Variants in TMEM200A observed in about 807,000 individuals in gnomAD.
The protein encoded by TMEM200A is transmembrane protein 200A, also known as two transmembrane C.
A neutral mutation model predicts 24.3 loss-of-function variants in TMEM200A; 12 were observed. The ratio of observed to expected loss-of-function variants is 0.49; its 90% CI spans 0.32 to 0.80. The LOEUF (loss-of-function observed/expected upper bound fraction) is 0.80, where lower values mean the gene tolerates loss of function less well. Ranked by LOEUF, TMEM200A falls within the 30% of genes least tolerant of loss-of-function variation. The pLI is 0.04. For synonymous variants in TMEM200A, 224 were observed against 224.4 expected (o/e 1.00, Z 0.02); for missense variants, 545 against 614.4 (o/e 0.89, Z 1.19).
At chr6:130,439,379 A>T (rs1287533913) in intron 2 of TMEM200A, 2 of 152,200 alleles carry the variant, frequency 1.3e-5, no homozygotes, top group Non-Finnish European at 2.9e-5. Flanking sequence ...AGGAAGAAGA[A>T]AGGGAGGAGT....
chr6:130,376,289 G>T (rs1023795454), intron 1 of TMEM200A, among the ~76,000 whole-genome samples: 1 of 151,918 alleles, frequency 6.6e-6, no homozygotes, highest in African/African-American at 2.4e-5. Flanking sequence ...ATTATTTTTT[G>T]AGAGAGGGTC....
At chr6:130,382,891 A>G in intron 1 of TMEM200A, 1 of 292,504 alleles carries the variant, frequency 3.4e-6, no homozygotes, top group Non-Finnish European at 5.1e-6. Context: ...AGTGGCATGA[A>G]GCAGGAACAT....
At chr6:130,404,066 G>A (rs1267736438) in intron 2 of TMEM200A, among the ~76,000 whole-genome samples, 2 of 152,048 alleles carry the variant, frequency 1.3e-5, no homozygotes, top group African/African-American at 2.4e-5. Context: ...TCTTTATTCA[G>A]TCTATCATTG....
At chr6:130,382,881 A>T in intron 1 of TMEM200A, 1 of 228,620 alleles carries the variant, frequency 4.4e-6, no homozygotes. Flanking sequence ...GGGGCGAGCT[A>T]GTGGCATGAA....
intron 2 of TMEM200A, among the ~76,000 whole-genome samples, chr6:130,422,326 T>A (rs996185233): frequency 6.6e-6 from 1 of 152,138 alleles, no homozygotes; most frequent in Non-Finnish European, 1.5e-5. Context: ...TGGAAGGTAG[T>A]GGTGCGATAT....
chr6:130,427,028 T>C (rs1378418406), intron 2 of TMEM200A, among the ~76,000 whole-genome samples: 2 of 152,220 alleles, frequency 1.3e-5, no homozygotes, highest in African/African-American at 4.8e-5. Context: ...AGCTATTTTC[T>C]AGTTGCTCCA....
chr6:130,365,578 T>A (rs944827679), upstream of TMEM200A: 25 of 985,030 alleles, frequency 2.5e-5, no homozygotes, highest in African/African-American at 4.4e-4. Flanking sequence ...CGGCTGGAGC[T>A]CCCCAGCCGC....
rs1778174389 is a variant in TMEM200A, at chr6:130,366,888, G to A, written c.-81+364G>A. 6.6e-6 allele frequency among the ~76,000 whole-genome samples: 1 copy of A among 151,750 alleles called. No individual in the cohort carries two copies. Among genetic ancestry groups the A allele is most frequent in the Non-Finnish European group, 1.5e-5 (1 of 67,926 alleles). On this transcript the variant is annotated intron_variant, in intron 1 of 2. Coordinates refer to ENST00000296978, the MANE Select transcript of TMEM200A (RefSeq NM_001258277.2). The surrounding 1 kb of genome is among the most constrained non-coding windows in gnomAD (Gnocchi z 4.4). ...TTGAGCAAAGTATGGTCAGGGTTTC[G>A]TAAAGCAGTATCTGGATGGGGTAGA...
chr6:130,371,224 A>G (rs1247842609), intron 1 of TMEM200A, among the ~76,000 whole-genome samples: 1 of 152,192 alleles, frequency 6.6e-6, no homozygotes, highest in Non-Finnish European at 1.5e-5. Flanking sequence ...TAGATTGTGT[A>G]GACAGGAGGC....
In TMEM200A at chr6:130,366,580, C is replaced by A. The variant is rs1778154231; in HGVS notation, c.-81+56C>A. ...TGGGGAGGTGGGTGGGCGGCCACCGCAGCCGAAACCGGGCACTTCTTCAGC... is the reference window on the plus strand; with the variant it reads ...TGGGGAGGTGGGTGGGCGGCCACCGAAGCCGAAACCGGGCACTTCTTCAGC... On this transcript the variant is annotated intron_variant, in intron 1 of 2. Transcript: ENST00000296978. The surrounding 1 kb of genome is among the most constrained non-coding windows in gnomAD (Gnocchi z 4.4). The A allele has an allele frequency of 1.0e-6, 1 of 985,866 alleles. No individual in the cohort carries two copies. Among genetic ancestry groups the A allele is most frequent in the Non-Finnish European group, 1.2e-6 (1 of 830,244 alleles). The allele number at this position is 985,866 out of a possible 1,614,324, so 61.1% of individuals were successfully genotyped here.
intron 1 of TMEM200A, among the ~76,000 whole-genome samples, chr6:130,378,094 T>C (rs1346716929): frequency 2.0e-5 from 3 of 152,094 alleles, no homozygotes; most frequent in Admixed American, 2.0e-4. Context: ...TAGAGGCCAG[T>C]GTGATTAGAA....
At chr6:130,409,324 C>T (rs565407938) in intron 2 of TMEM200A, among the ~76,000 whole-genome samples, 1 of 152,192 alleles carries the variant, frequency 6.6e-6, no homozygotes, top group Non-Finnish European at 1.5e-5. Context: ...ATGTTTTACC[C>T]TTTGAATGAG....
chr6:130,432,492 A>G (rs963539133), intron 2 of TMEM200A, among the ~76,000 whole-genome samples: 1 of 152,218 alleles, frequency 6.6e-6, no homozygotes, highest in Non-Finnish European at 1.5e-5. Flanking sequence ...ACTAAAATAT[A>G]CAGATTCCAT....
At chr6:130,415,612 A>T (rs1053073516) in intron 2 of TMEM200A, among the ~76,000 whole-genome samples, 1 of 152,120 alleles carries the variant, frequency 6.6e-6, no homozygotes. Context: ...CGTTTACTAA[A>T]TTACGAGAAA....
At chr6:130,370,512 T>C (rs941097365) in intron 1 of TMEM200A, among the ~76,000 whole-genome samples, 3 of 152,178 alleles carry the variant, frequency 2.0e-5, no homozygotes, top group African/African-American at 7.2e-5. Flanking sequence ...AACAATAGTC[T>C]ATTATTGGGA....
In TMEM200A at chr6:130,441,907, G is replaced by T; in HGVS notation, c.*9G>T. 6.3e-7 allele frequency: 1 copy of T among 1,580,550 alleles called. No homozygotes were observed. The highest frequency in any genetic ancestry group is 8.6e-7 in the Non-Finnish European group (1 of 1,166,966). ...CTGAAACAAGGTTTTAATGTTAAAAGAATATATCATTTTACAAGGGTATAT... is the reference window on the plus strand; with the variant it reads ...CTGAAACAAGGTTTTAATGTTAAAATAATATATCATTTTACAAGGGTATAT... On this transcript the variant is annotated 3_prime_UTR_variant, in exon 3 of 3. Coordinates refer to ENST00000296978, the MANE Select transcript of TMEM200A (RefSeq NM_001258277.2).
intron 2 of TMEM200A, among the ~76,000 whole-genome samples, chr6:130,413,072 T>A (rs956773183): frequency 6.6e-6 from 1 of 152,200 alleles, no homozygotes; most frequent in Non-Finnish European, 1.5e-5. Context: ...GATGGAAACT[T>A]CAGAATCAAG....
intron 2 of TMEM200A, among the ~76,000 whole-genome samples, chr6:130,433,173 G>C (rs1050566135): frequency 8.3e-5 from 11 of 131,758 alleles, no homozygotes; most frequent in Non-Finnish European, 1.6e-4. Flanking sequence ...TTTCGCTCTT[G>C]TTGCCCAGGC....
intron 2 of TMEM200A, among the ~76,000 whole-genome samples, chr6:130,389,828 G>T (rs1290784705): frequency 6.6e-6 from 1 of 152,172 alleles, no homozygotes; most frequent in Non-Finnish European, 1.5e-5. Flanking sequence ...AAGGGACTCA[G>T]ATTGAGATTC....
Sources: allele counts gnomAD v4.1 joint callset (sites outside exome capture counted in the v4.1 genomes callset), GRCh38; gene constraint gnomAD v4.1.1; non-coding constraint Gnocchi (gnomAD v3.1); transcripts MANE v1.5; gene names NCBI Gene and HGNC (gene_info 2026-07-23, HGNC 2026-07-21).